LRRC4C: variants seen among roughly 807,000 people sequenced by gnomAD.
LRRC4C encodes the protein leucine-rich repeat-containing protein 4C.
A neutral mutation model predicts 33.6 loss-of-function variants in LRRC4C; 5 were observed. The ratio of observed to expected loss-of-function variants is 0.15; its 90% CI spans 0.08 to 0.31. The LOEUF is 0.31. Among genes scored for constraint, LRRC4C ranks in the 10% least tolerant of loss-of-function variants. The pLI is 1.00. For missense variants in LRRC4C, 560 were observed against 796.7 expected, an observed-to-expected ratio of 0.70 and a Z score of 3.58; for synonymous variants, 329 against 302.0, an observed-to-expected ratio of 1.09 and a Z score of -0.93.
intron 1 of LRRC4C, among the ~76,000 whole-genome samples, chr11:40,954,093 C>T (rs1958839880): frequency 6.6e-6 from 1 of 151,864 alleles, no homozygotes; most frequent in Admixed American, 6.6e-5. Context: ...GACAGACAGC[C>T]TCATCAAGGC....
At chr11:41,132,231 C>T (rs1943046275) in intron 1 of LRRC4C, among the ~76,000 whole-genome samples, 1 of 151,942 alleles carries the variant, frequency 6.6e-6, no homozygotes, top group Non-Finnish European at 1.5e-5. Context: ...CATCTCCAGG[C>T]TAGTTCTTTG....
chr11:41,246,126 T>G (rs1948442448), intron 1 of LRRC4C, among the ~76,000 whole-genome samples: 1 of 152,064 alleles, frequency 6.6e-6, no homozygotes, highest in Non-Finnish European at 1.5e-5. Context: ...CTGCTGCCGT[T>G]TATCTGCCGT....
intron 2 of LRRC4C, among the ~76,000 whole-genome samples, chr11:40,655,377 T>G (rs1274176162): frequency 1.3e-5 from 2 of 152,222 alleles, no homozygotes; most frequent in Admixed American, 1.3e-4. Flanking sequence ...GGTAACCATG[T>G]GTTTAATATC....
intron 5 of LRRC4C, among the ~76,000 whole-genome samples, chr11:40,187,646 G>A (rs1432479095): frequency 6.6e-6 from 1 of 152,036 alleles, no homozygotes; most frequent in Non-Finnish European, 1.5e-5. Context: ...GAAGGAAAGG[G>A]ACTCTGGCAA....
At chr11:40,813,379 G>C (rs1951573869) in intron 2 of LRRC4C, among the ~76,000 whole-genome samples, 1 of 152,050 alleles carries the variant, frequency 6.6e-6, no homozygotes, top group South Asian at 2.1e-4. Context: ...GCTTGTGCAG[G>C]GGAACTCCCA....
intron 1 of LRRC4C, among the ~76,000 whole-genome samples, chr11:41,335,552 T>C (rs1000573548): frequency 2.6e-5 from 4 of 152,208 alleles, no homozygotes; most frequent in African/African-American, 9.6e-5. Flanking sequence ...CCATAGAGGG[T>C]AGAATTTCTA....
chr11:41,324,275 A>G (rs1951042152), intron 1 of LRRC4C, among the ~76,000 whole-genome samples: 1 of 152,148 alleles, frequency 6.6e-6, no homozygotes, highest in African/African-American at 2.4e-5. Flanking sequence ...TACTAAAAAT[A>G]CAAAATCAGC....
intron 2 of LRRC4C, among the ~76,000 whole-genome samples, chr11:40,845,073 A>G (rs1953093820): frequency 6.6e-6 from 1 of 152,060 alleles, no homozygotes; most frequent in Admixed American, 6.6e-5. Context: ...TTAAAACGTC[A>G]TGTTGTACAA....
intron 2 of LRRC4C, among the ~76,000 whole-genome samples, chr11:40,649,527 T>C (rs1942661000): frequency 6.6e-6 from 1 of 152,192 alleles, no homozygotes; most frequent in Non-Finnish European, 1.5e-5. Flanking sequence ...TTTTTCAAGG[T>C]ACACTGATTT....
chr11:41,196,321 A>T (rs901763989), intron 1 of LRRC4C, among the ~76,000 whole-genome samples: 5 of 152,068 alleles, frequency 3.3e-5, no homozygotes, highest in African/African-American at 1.2e-4. Context: ...TTACTAATCA[A>T]CTAGACTAGC....
intron 2 of LRRC4C, among the ~76,000 whole-genome samples, chr11:40,799,040 T>C (rs1178224999): frequency 6.6e-6 from 1 of 152,242 alleles, no homozygotes; most frequent in Non-Finnish European, 1.5e-5. Flanking sequence ...CACATTGTTC[T>C]CACAATTCTT....
intron 3 of LRRC4C, among the ~76,000 whole-genome samples, chr11:40,599,100 C>A (rs1959692336): frequency 6.6e-6 from 1 of 152,112 alleles, no homozygotes; most frequent in Admixed American, 6.5e-5. Context: ...CCCTTCCCCA[C>A]CCATAGATCT....
At position 40,250,244 on chromosome 11, in the gene LRRC4C, A is replaced by G. The variant is rs528326490; in HGVS notation, c.-175-8646T>C. Among the ~76,000 whole-genome samples, 59 of 152,298 alleles carry G rather than the reference A, an allele frequency of 3.9e-4. 1 individual carries two copies. Among genetic ancestry groups the G allele is most frequent in the Admixed American group, 2.9e-3 (45 of 15,290 alleles). ...ATAACTTTTGCAAAAGAAAAAGAAC[A>G]CCTTGACTAATCTGACCCTTGTAAC... On this transcript the variant is annotated intron_variant, in intron 4 of 6. Coordinates refer to ENST00000528697, the MANE Select transcript of LRRC4C (RefSeq NM_001258419.2).
chr11:40,474,070 T>C (rs899185668), intron 3 of LRRC4C, among the ~76,000 whole-genome samples: 1 of 146,632 alleles, frequency 6.8e-6, no homozygotes. Context: ...CAAGCTACCA[T>C]TGACTTTCTT....
chr11:41,235,538 G>A (rs1037458143), intron 1 of LRRC4C, among the ~76,000 whole-genome samples: 26 of 152,184 alleles, frequency 1.7e-4, no homozygotes, highest in African/African-American at 6.0e-4. Context: ...AATTGAAATA[G>A]TCATAGTCTC....
At chr11:41,126,541 A>C (rs1942750699) in intron 1 of LRRC4C, among the ~76,000 whole-genome samples, 1 of 152,070 alleles carries the variant, frequency 6.6e-6, no homozygotes, top group Admixed American at 6.6e-5. Flanking sequence ...CAATGGACGC[A>C]GAAGGTGGCC....
chr11:40,337,742 C>T (rs1265726968), intron 3 of LRRC4C, among the ~76,000 whole-genome samples: 4 of 152,138 alleles, frequency 2.6e-5, no homozygotes, highest in African/African-American at 9.7e-5. Flanking sequence ...AAACTTGTGT[C>T]ATAGGGGTTT....
chr11:40,517,212 A>C (rs1470146624), intron 3 of LRRC4C, among the ~76,000 whole-genome samples: 2 of 152,198 alleles, frequency 1.3e-5, no homozygotes, highest in African/African-American at 4.8e-5. Flanking sequence ...GCTAATGTGT[A>C]TGTGAAATAC....
At chr11:41,133,029 A>C (rs144486049) in intron 1 of LRRC4C, among the ~76,000 whole-genome samples, 1,590 of 152,282 alleles carry the variant, frequency 0.01, 8 homozygotes, top group Non-Finnish European at 0.018. Flanking sequence ...GATAACAATA[A>C]TGTCTTTTTC....
Sources: allele counts gnomAD v4.1 joint callset (sites outside exome capture counted in the v4.1 genomes callset), GRCh38; gene constraint gnomAD v4.1.1; transcripts MANE v1.5; gene names NCBI Gene and HGNC (gene_info 2026-07-23, HGNC 2026-07-21).